The following PDE8A variants were observed in gnomAD, a reference collection of about 807,000 sequenced individuals.
PDE8A encodes the protein high affinity cAMP-specific and IBMX-insensitive 3',5'-cyclic phosphodiesterase 8A.
A neutral mutation model predicts 105.0 loss-of-function variants in PDE8A; 59 were observed. That is an observed-to-expected ratio of 0.56 (90% CI 0.46 to 0.70). The LOEUF (loss-of-function observed/expected upper bound fraction) is 0.70. Ranked by LOEUF, PDE8A falls within the 30% of genes least tolerant of loss-of-function variation. The pLI, the probability that PDE8A is intolerant of heterozygous loss-of-function variation, is 0.00. For missense variants in PDE8A, 1,014 were observed against 1,045.9 expected (o/e 0.97, Z 0.42); for synonymous variants, 355 against 371.9 (o/e 0.95, Z 0.52).
At chr15:85,050,441 G>A (rs1159199649) in intron 1 of PDE8A, among the ~76,000 whole-genome samples, 2 of 152,074 alleles carry the variant, frequency 1.3e-5, no homozygotes, top group African/African-American at 2.4e-5. Context: ...GGAATTCTGT[G>A]TATTAGGTCT....
At chr15:84,999,580 T>G (rs1451121348) in intron 1 of PDE8A, among the ~76,000 whole-genome samples, 1 of 151,910 alleles carries the variant, frequency 6.6e-6, no homozygotes, top group Non-Finnish European at 1.5e-5. Flanking sequence ...TTGTTGCTGT[T>G]TTTTGTTGTT....
chr15:85,121,235 G>T (rs1389911973), intron 18 of PDE8A, among the ~76,000 whole-genome samples: 1 of 151,888 alleles, frequency 6.6e-6, no homozygotes, highest in African/African-American at 2.4e-5. Context: ...GGGCAACGTA[G>T]GGAGACCCTG....
intron 6 of PDE8A, among the ~76,000 whole-genome samples, chr15:85,085,549 T>C (rs2081538115): frequency 6.7e-6 from 1 of 148,732 alleles, no homozygotes; most frequent in South Asian, 2.1e-4. Context: ...AATACTAAAA[T>C]TAGCCGGGCA....
At chr15:85,008,816 C>A (rs1255823851) in intron 1 of PDE8A, among the ~76,000 whole-genome samples, 1 of 152,126 alleles carries the variant, frequency 6.6e-6, no homozygotes, top group Non-Finnish European at 1.5e-5. Flanking sequence ...TGCTGAACCT[C>A]GCTAAGGCAT....
intron 19 of PDE8A, among the ~76,000 whole-genome samples, chr15:85,125,525 C>CT (rs762375386): frequency 6.6e-6 from 1 of 152,184 alleles, no homozygotes; most frequent in Non-Finnish European, 1.5e-5. Flanking sequence ...AACTGAAGTT[C>CT]TTATCCTGGC....
intron 3 of PDE8A, 133 bp downstream of exon 3, chr15:85,067,337 A>T: frequency 1.7e-6 from 1 of 577,064 alleles, no homozygotes; most frequent in Non-Finnish European, 3.0e-6. Flanking sequence ...AAATATTAGA[A>T]CCTCACTATT....
At chr15:85,090,137 G>A (rs763279684) in intron 7 of PDE8A, among the ~76,000 whole-genome samples, 1 of 152,174 alleles carries the variant, frequency 6.6e-6, no homozygotes, top group African/African-American at 2.4e-5. Context: ...GAGAGGCAGC[G>A]TGGGCCAGTG....
At chr15:85,090,887 T>A in intron 7 of PDE8A, 157 bp from the exon 8 acceptor site, 1 of 689,480 alleles carries the variant, frequency 1.5e-6, no homozygotes, top group Non-Finnish European at 2.7e-6. Context: ...CTTCGTGGGT[T>A]ATGTGCTTAT....
chr15:84,998,609 G>C (rs1276883672), intron 1 of PDE8A, among the ~76,000 whole-genome samples: 2 of 152,160 alleles, frequency 1.3e-5, no homozygotes, highest in African/African-American at 2.4e-5. Flanking sequence ...GAAACCTACA[G>C]TATTTATCAA....
intron 1 of PDE8A, among the ~76,000 whole-genome samples, chr15:85,032,363 A>G (rs906289782): frequency 2.0e-5 from 3 of 152,316 alleles, no homozygotes; most frequent in East Asian, 1.9e-4. Flanking sequence ...GATTTTCTCT[A>G]TCTTGTAAAT....
At chr15:85,064,554 C>T in intron 2 of PDE8A, 128 bp downstream of exon 2, 2 of 641,936 alleles carry the variant, frequency 3.1e-6, no homozygotes, top group Non-Finnish European at 5.5e-6. Flanking sequence ...TGTTAAATTC[C>T]CTGAACTCTG....
intron 1 of PDE8A, among the ~76,000 whole-genome samples, chr15:85,043,658 A>T (rs1384116185): frequency 6.6e-6 from 1 of 150,480 alleles, no homozygotes; most frequent in East Asian, 1.9e-4. Context: ...CAGTATTTCA[A>T]GGTATCATGA....
intron 19 of PDE8A, among the ~76,000 whole-genome samples, chr15:85,124,405 C>A (rs2082228271): frequency 6.6e-6 from 1 of 152,136 alleles, no homozygotes; most frequent in Non-Finnish European, 1.5e-5. Flanking sequence ...ATTTACTGAA[C>A]ATGTTGGCAG....
chr15:85,128,120 A>T (rs2082283226), intron 20 of PDE8A, among the ~76,000 whole-genome samples: 1 of 151,970 alleles, frequency 6.6e-6, no homozygotes. Flanking sequence ...ATAGACCTAC[A>T]TACAACAGCT....
At chr15:85,068,538 TG>T (rs1359435957) in intron 3 of PDE8A, among the ~76,000 whole-genome samples, 1 of 152,144 alleles carries the variant, frequency 6.6e-6, no homozygotes, top group African/African-American at 2.4e-5. Flanking sequence ...GCTGTAAATT[TG>T]GAACACTTGG....
At chr15:85,114,921 G>C (rs1448357480) in intron 14 of PDE8A, among the ~76,000 whole-genome samples, 5 of 152,082 alleles carry the variant, frequency 3.3e-5, no homozygotes. Context: ...GTACGGGTTT[G>C]GGCCAGGTGG....
At chr15:85,014,007 C>G (rs1304769711) in intron 1 of PDE8A, among the ~76,000 whole-genome samples, 1 of 152,220 alleles carries the variant, frequency 6.6e-6, no homozygotes, top group African/African-American at 2.4e-5. Context: ...CCTGTTTGAC[C>G]TAGCCTAGAC....
intron 6 of PDE8A, among the ~76,000 whole-genome samples, chr15:85,085,113 C>T (rs944666092): frequency 2.6e-5 from 4 of 152,144 alleles, no homozygotes; most frequent in South Asian, 2.1e-4. Context: ...GCACCCACTG[C>T]GTTCAAGATG....
chr15:85,123,299 G>T lies in PDE8A; in HGVS notation c.2085+106G>T, dbSNP rs2141627656. ...TCAGCCACAGAAGGGTTCCCTCAGTGAGTCTATTAGACTCTTACAGGGACA... is the reference window on the plus strand; with the variant it reads ...TCAGCCACAGAAGGGTTCCCTCAGTTAGTCTATTAGACTCTTACAGGGACA... On this transcript the variant is annotated intron_variant, in intron 19 of 21. Transcript: ENST00000394553. The T allele has an allele frequency of 4.3e-6, 4 of 937,354 alleles. No individual in the cohort carries two copies. The East Asian group carries it at 9.9e-5, about 23-fold the overall frequency. The allele number at this position is 937,354 out of a possible 1,614,324, so 58.1% of individuals were successfully genotyped here.
Sources: allele counts gnomAD v4.1 joint callset (sites outside exome capture counted in the v4.1 genomes callset), GRCh38; gene constraint gnomAD v4.1.1; transcripts MANE v1.5; gene names NCBI Gene and HGNC (gene_info 2026-07-23, HGNC 2026-07-21).